PTPRM: variants seen among roughly 807,000 people sequenced by gnomAD.
PTPRM encodes protein tyrosine phosphatase receptor type M.
In PTPRM, 47 loss-of-function variants were observed where a neutral mutation model predicts 186.7. The ratio of observed to expected loss-of-function variants is 0.25; its 90% CI spans 0.20 to 0.32. PTPRM has a LOEUF of 0.32. PTPRM is among the 10% of genes least tolerant of loss of function. PTPRM has a pLI of 1.00. For missense variants in PTPRM, 1,494 were observed against 1,865.0 expected, an observed-to-expected ratio of 0.80 and a Z score of 3.66; for synonymous variants, 668 against 674.9, an observed-to-expected ratio of 0.99 and a Z score of 0.16.
intron 1 of PTPRM, among the ~76,000 whole-genome samples, chr18:7,656,455 T>C (rs1422156946): frequency 1.3e-5 from 2 of 152,266 alleles, no homozygotes; most frequent in African/African-American, 4.8e-5. Flanking sequence ...GGGAGTTATG[T>C]AATGGGGATG....
At chr18:7,650,896 A>G (rs1278301276) in intron 1 of PTPRM, among the ~76,000 whole-genome samples, 1 of 152,102 alleles carries the variant, frequency 6.6e-6, no homozygotes, top group Non-Finnish European at 1.5e-5. Context: ...GTAAAATGCA[A>G]AGTTATAAAA....
At chr18:8,141,265 C>T (rs2092760177) in intron 13 of PTPRM, among the ~76,000 whole-genome samples, 1 of 152,206 alleles carries the variant, frequency 6.6e-6, no homozygotes, top group South Asian at 2.1e-4. Flanking sequence ...ACACCCGACT[C>T]AACCGGATGG....
At chr18:7,939,258 A>G (rs2052016861) in intron 5 of PTPRM, among the ~76,000 whole-genome samples, 1 of 149,018 alleles carries the variant, frequency 6.7e-6, no homozygotes, top group Non-Finnish European at 1.5e-5. Context: ...ATGTCTGAGG[A>G]AGGGGGACTG....
intron 2 of PTPRM, among the ~76,000 whole-genome samples, chr18:7,787,826 A>G (rs1275772029): frequency 6.6e-6 from 1 of 152,208 alleles, no homozygotes; most frequent in East Asian, 1.9e-4. Flanking sequence ...ATCTACTTCT[A>G]TTTTCTGAAT....
At chr18:8,067,408 G>A (rs1370446654) in intron 7 of PTPRM, among the ~76,000 whole-genome samples, 1 of 152,172 alleles carries the variant, frequency 6.6e-6, no homozygotes, top group Non-Finnish European at 1.5e-5. Context: ...TTTCCCAACA[G>A]TAGTAATTTA....
chr18:7,773,570 G>GTTTTTTTTTTTTTTTTTTTTTTT (rs10708698), intron 1 of PTPRM, among the ~76,000 whole-genome samples: 3 of 129,096 alleles, frequency 2.3e-5, no homozygotes, highest in Non-Finnish European at 4.9e-5. Context: ...TCTTTTCTTT[G>GTTTTTTTTTTTTTTTTTTTTTTT]TTTTTTTTTT....
chr18:8,138,906 C>T (rs1001659912), intron 13 of PTPRM, among the ~76,000 whole-genome samples: 1 of 152,120 alleles, frequency 6.6e-6, no homozygotes, highest in Non-Finnish European at 1.5e-5. Context: ...GCGGATGCTC[C>T]CTGTGTCTGT....
chr18:7,655,115 T>A (rs2038816758), intron 1 of PTPRM, among the ~76,000 whole-genome samples: 1 of 152,226 alleles, frequency 6.6e-6, no homozygotes, highest in Non-Finnish European at 1.5e-5. Context: ...TTCATGTCTC[T>A]GATTTCTTTG....
chr18:8,093,913 A>T (rs1033291294), intron 11 of PTPRM, among the ~76,000 whole-genome samples: 7 of 152,152 alleles, frequency 4.6e-5, no homozygotes, highest in Admixed American at 2.0e-4. Context: ...GTCACCCTTT[A>T]AGTATATGAA....
chr18:7,678,332 C>T (rs2039398056), intron 1 of PTPRM, among the ~76,000 whole-genome samples: 2 of 152,156 alleles, frequency 1.3e-5, no homozygotes, highest in South Asian at 2.1e-4. Context: ...TCAAAGCACC[C>T]TCTTCCATTC....
At chr18:8,357,681 C>T (rs1205492070) in intron 23 of PTPRM, among the ~76,000 whole-genome samples, 2 of 152,204 alleles carry the variant, frequency 1.3e-5, no homozygotes, top group Non-Finnish European at 2.9e-5. Context: ...GGCTATTTTA[C>T]TCAAAGTGTT....
intron 19 of PTPRM, among the ~76,000 whole-genome samples, chr18:8,264,541 C>T (rs1482622353): frequency 6.6e-6 from 1 of 151,976 alleles, no homozygotes; most frequent in Non-Finnish European, 1.5e-5. Flanking sequence ...GAGGCCGAGG[C>T]GGGCAGATCA....
intron 4 of PTPRM, among the ~76,000 whole-genome samples, chr18:7,910,689 T>C (rs1055154117): frequency 3.9e-5 from 6 of 152,178 alleles, no homozygotes; most frequent in African/African-American, 1.4e-4. Context: ...GTTATACTCC[T>C]ATAAAATGAA....
At chr18:7,934,804 C>T (rs2051701573) in intron 5 of PTPRM, among the ~76,000 whole-genome samples, 3 of 152,220 alleles carry the variant, frequency 2.0e-5, no homozygotes, top group South Asian at 4.1e-4. Flanking sequence ...CGGATTTGAA[C>T]CCAGGCCGTC....
At chr18:8,312,259 G>A (rs1268338349) in intron 20 of PTPRM, among the ~76,000 whole-genome samples, 3 of 151,746 alleles carry the variant, frequency 2.0e-5, no homozygotes, top group South Asian at 2.1e-4. Context: ...ATACACAAAA[G>A]CCATAACAAT....
At chr18:8,130,137 A>C (rs987784349) in intron 13 of PTPRM, among the ~76,000 whole-genome samples, 1 of 152,174 alleles carries the variant, frequency 6.6e-6, no homozygotes, top group African/African-American at 2.4e-5. Context: ...TGTTGTTTTT[A>C]ATGTGAAAGG....
intron 20 of PTPRM, among the ~76,000 whole-genome samples, chr18:8,303,004 A>T (rs367614013): frequency 1.4e-3 from 217 of 152,204 alleles, no homozygotes; most frequent in African/African-American, 5.1e-3. Context: ...TCTGGGCTGG[A>T]TTATAAATCA....
intron 14 of PTPRM, among the ~76,000 whole-genome samples, chr18:8,239,513 G>A (rs963668295): frequency 6.6e-6 from 1 of 152,032 alleles, no homozygotes; most frequent in Non-Finnish European, 1.5e-5. Flanking sequence ...TCCCCCTGGA[G>A]TTTTTACCTC....
In PTPRM at chr18:7,837,604, G is replaced by A. The variant is rs891394765; in HGVS notation, c.197-50502G>A. ...TGAGTACCTGGGACTACAGGCGCAT[G>A]CCACCACACCTGGCTAATTTTTGTA... is the stretch of plus-strand genomic sequence containing the variant. On this transcript the variant is annotated intron_variant, in intron 2 of 32. Coordinates refer to ENST00000580170, the MANE Select transcript of PTPRM (RefSeq NM_001105244.2). Among the ~76,000 whole-genome samples the A allele has an allele frequency of 2.6e-5, 4 of 152,042 alleles. No individual in the cohort carries two copies. In the East Asian group the frequency reaches 7.7e-4, roughly 29 times the overall value.
Sources: allele counts gnomAD v4.1 joint callset (sites outside exome capture counted in the v4.1 genomes callset), GRCh38; gene constraint gnomAD v4.1.1; transcripts MANE v1.5; gene names NCBI Gene and HGNC (gene_info 2026-07-23, HGNC 2026-07-21).